FUT8: variants seen among roughly 807,000 people sequenced by gnomAD.
FUT8 encodes fucosyltransferase 8.
A neutral mutation model predicts 71.3 loss-of-function variants in FUT8; 29 were observed. The ratio of observed to expected loss-of-function variants is 0.41; its 90% CI spans 0.30 to 0.55. The LOEUF (loss-of-function observed/expected upper bound fraction) is 0.55, where lower values mean the gene tolerates loss of function less well. Ranked by LOEUF, FUT8 falls within the 20% of genes least tolerant of loss-of-function variation. The probability of loss-of-function intolerance (pLI) is 0.34; values close to 1 mark genes in which losing one functional copy is unlikely to be tolerated. For synonymous variants in FUT8, 254 were observed against 239.3 expected (o/e 1.06, Z -0.57); for missense variants, 544 against 702.1 (o/e 0.77, Z 2.55).
chr14:65,505,093 G>A (rs1416238552), intron 2 of FUT8, among the ~76,000 whole-genome samples: 1 of 152,132 alleles, frequency 6.6e-6, no homozygotes, highest in Non-Finnish European at 1.5e-5. Context: ...GAGCAGGGCT[G>A]TATTCTGTGC....
At chr14:65,586,678 A>G (rs1887402098) in intron 3 of FUT8, among the ~76,000 whole-genome samples, 1 of 152,230 alleles carries the variant, frequency 6.6e-6, no homozygotes, top group African/African-American at 2.4e-5. Flanking sequence ...TGTTTTTGAC[A>G]GTTTTTTAAC....
chr14:65,727,086 A>G (rs1021856756), intron 9 of FUT8, among the ~76,000 whole-genome samples: 3 of 152,152 alleles, frequency 2.0e-5, no homozygotes, highest in African/African-American at 7.2e-5. Context: ...ATGGCTTTGC[A>G]GTGTATAGCC....
At chr14:65,714,154 A>C in intron 7 of FUT8, among the ~76,000 whole-genome samples, 1 of 152,090 alleles carries the variant, frequency 6.6e-6, no homozygotes, top group East Asian at 1.9e-4. Flanking sequence ...TATTCTTGGC[A>C]CCTTTGTTGA....
chr14:65,724,379 A>G (rs1895576121), intron 9 of FUT8, 56 bp downstream of exon 9: 2 of 1,082,084 alleles, frequency 1.8e-6, no homozygotes, highest in Non-Finnish European at 2.7e-6. Flanking sequence ...AGTTTAAAAG[A>G]ATTCTTACTT....
At chr14:65,531,410 G>C (rs1448772332) in intron 2 of FUT8, among the ~76,000 whole-genome samples, 3 of 152,040 alleles carry the variant, frequency 2.0e-5, no homozygotes, top group Admixed American at 6.6e-5. Context: ...AGATGAGCCA[G>C]TTAATTAGCA....
At chr14:65,399,973 C>T in the FUT8 span, among the ~76,000 whole-genome samples, 1 of 152,192 alleles carries the variant, frequency 6.6e-6, no homozygotes, top group South Asian at 2.1e-4. Context: ...ACATTTCCCA[C>T]AGGCCAAGCA....
intron 1 of FUT8, among the ~76,000 whole-genome samples, chr14:65,433,212 A>AT (rs564355693): frequency 0.011 from 1,613 of 151,190 alleles, 30 homozygotes; most frequent in African/African-American, 0.037. Flanking sequence ...TTTCTGTTTC[A>AT]TTTTTTTTTG....
At position 65,577,456 on chromosome 14, in the gene FUT8, G is replaced by A. The variant is rs1047713974; in HGVS notation, c.203+15690G>A. 7.9e-5 allele frequency among the ~76,000 whole-genome samples: 12 copies of A among 151,974 alleles called. No homozygotes were observed. In the East Asian group the frequency reaches 1.2e-3, roughly 15 times the overall value. The stretch of plus-strand genomic sequence containing the variant: ...CTTCAGTTTCTTCACTTTAAAAATG[G>A]CAATAATATCTATTTTGCAATAAGT... On this transcript the variant is annotated intron_variant, in intron 3 of 10. Transcript: ENST00000673929.
At chr14:65,419,316 TTACTG>T (rs1162954990) in intron 1 of FUT8, among the ~76,000 whole-genome samples, 2 of 152,096 alleles carry the variant, frequency 1.3e-5, no homozygotes, top group African/African-American at 4.8e-5. Flanking sequence ...ATGTGCCTCA[TTACTG>T]TAATGTAAAA....
chr14:65,737,332 G>A (rs530128085), intron 10 of FUT8, among the ~76,000 whole-genome samples: 6 of 152,074 alleles, frequency 3.9e-5, no homozygotes, highest in African/African-American at 1.4e-4. Context: ...ACAGTCCTCA[G>A]GATTTAATAT....
chr14:65,616,383 T>G lies in FUT8; in HGVS notation c.482+10T>G. ...TAGGACATCATGAAAGGTACTATTC[T>G]CCTTTCACATTTTATTTGGGCTTTA... On this transcript the variant is annotated intron_variant, in intron 5 of 10. Coordinates refer to ENST00000673929, the MANE Select transcript of FUT8 (RefSeq NM_001371533.1). The G allele has an allele frequency of 6.5e-7, 1 of 1,538,926 alleles. No homozygotes were observed. The highest frequency in any genetic ancestry group is 8.8e-7 in the Non-Finnish European group (1 of 1,142,008).
At chr14:65,657,229 A>G (rs2140339964) in intron 6 of FUT8, among the ~76,000 whole-genome samples, 1 of 152,328 alleles carries the variant, frequency 6.6e-6, no homozygotes, top group Middle Eastern at 3.4e-3. Flanking sequence ...AACACACAGA[A>G]TGTAAATTAG....
the FUT8 span, among the ~76,000 whole-genome samples, chr14:65,399,936 T>C: frequency 6.6e-6 from 1 of 152,354 alleles, no homozygotes; most frequent in Admixed American, 6.5e-5. Context: ...CATTCACTCA[T>C]CCACTTATTC....
intron 3 of FUT8, among the ~76,000 whole-genome samples, chr14:65,582,771 G>T (rs540874185): frequency 6.6e-6 from 1 of 152,282 alleles, no homozygotes; most frequent in African/African-American, 2.4e-5. Flanking sequence ...ATAGTGTTTA[G>T]AATCTGGCGT....
intron 2 of FUT8, among the ~76,000 whole-genome samples, chr14:65,534,913 G>T (rs1402061280): frequency 6.6e-6 from 1 of 151,256 alleles, no homozygotes; most frequent in Non-Finnish European, 1.5e-5. Flanking sequence ...TTGTGTGTGT[G>T]TTTCAGTCTC....
At chr14:65,544,798 T>A (rs1046183549) in intron 2 of FUT8, among the ~76,000 whole-genome samples, 2 of 152,170 alleles carry the variant, frequency 1.3e-5, no homozygotes, top group African/African-American at 4.8e-5. Flanking sequence ...TAAATTCATA[T>A]GTATATACTA....
At chr14:65,717,837 GT>G (rs895629911) in intron 7 of FUT8, among the ~76,000 whole-genome samples, 1 of 151,718 alleles carries the variant, frequency 6.6e-6, no homozygotes, top group Admixed American at 6.6e-5. Flanking sequence ...CCTTTTTATA[GT>G]TTTTTTTTCT....
intron 7 of FUT8, among the ~76,000 whole-genome samples, chr14:65,715,659 C>T (rs1294618878): frequency 6.6e-6 from 1 of 152,162 alleles, no homozygotes; most frequent in East Asian, 1.9e-4. Flanking sequence ...GTTGTGTTTC[C>T]ATGATCGTTT....
At chr14:65,715,568 T>A (rs1895013514) in intron 7 of FUT8, among the ~76,000 whole-genome samples, 1 of 152,234 alleles carries the variant, frequency 6.6e-6, no homozygotes. Flanking sequence ...TTGAAGTTTT[T>A]CTACTTTTTT....
Sources: allele counts gnomAD v4.1 joint callset (sites outside exome capture counted in the v4.1 genomes callset), GRCh38; gene constraint gnomAD v4.1.1; transcripts MANE v1.5; gene names NCBI Gene and HGNC (gene_info 2026-07-23, HGNC 2026-07-21).